The following EXPH5 variants were observed in gnomAD, a reference collection of about 807,000 sequenced individuals.
EXPH5 encodes the protein exophilin-5.
EXPH5 carries 42 observed loss-of-function variants against 41.1 expected under a neutral mutation model. That is an observed-to-expected ratio of 1.02 (90% CI 0.80 to 1.32). The LOEUF (loss-of-function observed/expected upper bound fraction) is 1.32. Among genes scored for constraint, EXPH5 ranks in the 40% most tolerant of loss-of-function variants. The pLI, the probability that EXPH5 is intolerant of heterozygous loss-of-function variation, is 0.00. For missense variants in EXPH5, 2,298 were observed against 2,314.5 expected (o/e 0.99, Z 0.15); for synonymous variants, 798 against 833.5 (o/e 0.96, Z 0.73).
intron 1 of EXPH5, 33 bp downstream of exon 1, chr11:108,593,379 ACCCAGG>A: frequency 6.3e-7 from 1 of 1,575,878 alleles, no homozygotes; most frequent in Non-Finnish European, 8.7e-7. Flanking sequence ...CCCCTGCGGG[ACCCAGG>A]CCCAGGACAA....
chr11:108,568,850 TA>T (rs1421358145), intron 1 of EXPH5, among the ~76,000 whole-genome samples: 1 of 152,124 alleles, frequency 6.6e-6, no homozygotes, highest in East Asian at 1.9e-4. Context: ...TCTTCCTCCC[TA>T]ATCGAGGCCC....
the EXPH5 span, among the ~76,000 whole-genome samples, chr11:108,600,041 C>G: frequency 6.6e-6 from 1 of 152,162 alleles, no homozygotes; most frequent in Non-Finnish European, 1.5e-5. Context: ...TTGGAATCTA[C>G]AAGTAAGGTG....
At chr11:108,530,410 T>C (rs1003397964) in intron 3 of EXPH5, among the ~76,000 whole-genome samples, 2 of 152,022 alleles carry the variant, frequency 1.3e-5, no homozygotes, top group African/African-American at 2.4e-5. Flanking sequence ...ATAAGTAAAA[T>C]GCATGGGAAA....
At chr11:108,534,386 C>G (rs1565802901) in intron 3 of EXPH5, among the ~76,000 whole-genome samples, 1 of 152,174 alleles carries the variant, frequency 6.6e-6, no homozygotes, top group Non-Finnish European at 1.5e-5. Flanking sequence ...AGTCCAAGCT[C>G]CTTAGTATGG....
chr11:108,603,661 C>T, the EXPH5 span, among the ~76,000 whole-genome samples: 1 of 152,192 alleles, frequency 6.6e-6, no homozygotes, highest in South Asian at 2.1e-4. Flanking sequence ...ACTCAAGCTT[C>T]TCAAAATGTG....
At chr11:108,593,087 C>T (rs1407391777) in intron 1 of EXPH5, among the ~76,000 whole-genome samples, 1 of 152,226 alleles carries the variant, frequency 6.6e-6, no homozygotes, top group African/African-American at 2.4e-5. Flanking sequence ...CCTGAAACGG[C>T]CCACGCCCCG....
At position 108,514,532 on chromosome 11, in the gene EXPH5, G is replaced by A. The variant is rs750160735; in HGVS notation, c.975C>T (p.Ser325=). ...TGGCTGGTAAGGCCGACCGTTGCCT[G>A]CTGTCAAAACACAGCGAAGTACTGC... The part of the protein sequence containing the change: ...TFGSTSLCFD[S]RQRSALPATG... Residue 325 remains serine, a synonymous_variant, in exon 6 of 6, where the codon AGC becomes AGT. Transcript: ENST00000265843. 3.0e-5 allele frequency: 48 copies of A among 1,612,834 alleles called. No homozygotes were observed. Among genetic ancestry groups the A allele is most frequent in the Non-Finnish European group, 4.0e-5 (47 of 1,179,572 alleles).
Position 108,593,471 on chromosome 11 carries a change from A to G in EXPH5, c.66T>C (p.Leu22=). The G allele has an allele frequency of 6.2e-7, 1 of 1,614,150 alleles. No homozygotes were observed. ...ACTCCTCATTCCTTTCCAGCACCTG[A>G]AGGATCTTCCTGGCCTCTTCGTCAT... is the stretch of plus-strand genomic sequence containing the variant. ...FLNDEEARKI[L]QVLERNEELQ... is the part of the protein sequence containing the mutation. Residue 22 remains leucine, a synonymous_variant, in exon 1 of 6, where the codon CTT becomes CTC. Coordinates refer to ENST00000265843, the MANE Select transcript of EXPH5 (RefSeq NM_015065.3).
intron 1 of EXPH5, among the ~76,000 whole-genome samples, chr11:108,545,288 C>T (rs118007441): frequency 5.1e-3 from 773 of 152,166 alleles, no homozygotes; most frequent in Non-Finnish European, 8.0e-3. Flanking sequence ...GTTGCTTGCA[C>T]CTGTGGTCCT....
At chr11:108,548,109 TAAAAAAAAAAAA>T (rs66485994) in intron 1 of EXPH5, among the ~76,000 whole-genome samples, 2 of 108,202 alleles carry the variant, frequency 1.8e-5, no homozygotes, top group Non-Finnish European at 3.5e-5. Context: ...ACTTCATCTT[TAAAAAAAAAAAA>T]AAAAAAAAAA....
Position 108,567,594 on chromosome 11 carries a change from A to G in EXPH5, c.120-25782T>C, listed in dbSNP as rs2094040162. ...ACAGATTATACATTTCTTGGGTCCCATACTTTGCATTTACCATAGCAGATT... is the reference window on the plus strand; with the variant it reads ...ACAGATTATACATTTCTTGGGTCCCGTACTTTGCATTTACCATAGCAGATT... On this transcript the variant is annotated intron_variant, in intron 1 of 5. Transcript: ENST00000265843. Among the ~76,000 whole-genome samples, 3 of 152,168 alleles carry G rather than the reference A, an allele frequency of 2.0e-5. No homozygotes were observed. In the South Asian group the frequency reaches 6.2e-4, roughly 32 times the overall value.
chr11:108,573,167 A>G (rs1230925580), intron 1 of EXPH5, among the ~76,000 whole-genome samples: 1 of 145,644 alleles, frequency 6.9e-6, no homozygotes, highest in Non-Finnish European at 1.5e-5. Context: ...AAAGAAAGAA[A>G]GAAAGAAAGA....
At position 108,513,346 on chromosome 11, in the gene EXPH5, T is replaced by C; in HGVS notation, c.2161A>G (p.Asn721Asp). Residue 721 changes from asparagine (N) to aspartate (D), a missense_variant, in exon 6 of 6, where the codon AAC (asparagine) becomes GAC (aspartate). Physicochemically the swap from Asn to Asp is conservative, Grantham distance 23 (BLOSUM62 1). Coordinates refer to ENST00000265843, the MANE Select transcript of EXPH5 (RefSeq NM_015065.3). ...GGTTGGGGTATTTCACCTGCCTTGT[T>C]TGTCTGGTCCATCTTGCTTAGCTGT... ...DKQLSKMDQT[N>D]KAGEIPQPVS... The C allele has an allele frequency of 1.2e-6, 2 of 1,614,076 alleles. No individual in the cohort carries two copies. The highest frequency in any genetic ancestry group is 1.7e-6 in the Non-Finnish European group (2 of 1,179,986).
At chr11:108,586,714 A>C (rs1250341021) in intron 1 of EXPH5, among the ~76,000 whole-genome samples, 1 of 148,282 alleles carries the variant, frequency 6.7e-6, no homozygotes, top group Admixed American at 6.8e-5. Flanking sequence ...AAACCAAGGT[A>C]AGCTTTATCA....
intron 1 of EXPH5, among the ~76,000 whole-genome samples, chr11:108,576,374 T>C (rs972118427): frequency 2.0e-5 from 3 of 152,076 alleles, no homozygotes; most frequent in African/African-American, 7.2e-5. Flanking sequence ...GGTAAACCCA[T>C]GGTTGCTAGT....
chr11:108,541,624 A>T (rs1299569482), intron 2 of EXPH5, 28 bp downstream of exon 2: 2 of 1,511,668 alleles, frequency 1.3e-6, no homozygotes, highest in Admixed American at 3.6e-5. Context: ...CAAAGAAATC[A>T]ACTTTAAATC....
At chr11:108,572,715 T>C (rs2094064837) in intron 1 of EXPH5, among the ~76,000 whole-genome samples, 1 of 152,034 alleles carries the variant, frequency 6.6e-6, no homozygotes, top group South Asian at 2.1e-4. Context: ...CCTGCCACCA[T>C]GCCCAGCTAA....
intron 1 of EXPH5, among the ~76,000 whole-genome samples, 194 bp downstream of exon 1, chr11:108,593,224 G>A (rs891358047): frequency 3.3e-5 from 5 of 152,100 alleles, no homozygotes; most frequent in African/African-American, 1.2e-4. Flanking sequence ...GGGTGGAGAG[G>A]GTACCAACTA....
chr11:108,529,059 A>C (rs948015251), intron 3 of EXPH5, among the ~76,000 whole-genome samples: 2 of 151,930 alleles, frequency 1.3e-5, no homozygotes, highest in African/African-American at 4.8e-5. Flanking sequence ...ATAGGAAACA[A>C]ATTTTCTGTT....
Sources: allele counts gnomAD v4.1 joint callset (sites outside exome capture counted in the v4.1 genomes callset), GRCh38; gene constraint gnomAD v4.1.1; transcripts MANE v1.5; gene names NCBI Gene and HGNC (gene_info 2026-07-23, HGNC 2026-07-21).